Variants in MEF2C observed in about 807,000 individuals in gnomAD.
The protein encoded by MEF2C is myocyte enhancer factor 2C.
Under a neutral mutation model 50.5 loss-of-function variants are expected in MEF2C, and 6 were observed. The observed-to-expected ratio is 0.12, with a 90% CI of 0.07 to 0.23. The LOEUF (loss-of-function observed/expected upper bound fraction) is 0.23, where lower values mean the gene tolerates loss of function less well. MEF2C is among the 10% of genes least tolerant of loss of function. The pLI is 1.00. For synonymous variants in MEF2C, 183 were observed against 228.0 expected, an observed-to-expected ratio of 0.80 and a Z score of 1.78; for missense variants, 276 against 605.0, an observed-to-expected ratio of 0.46 and a Z score of 5.70.
At chr5:88,818,459 A>G (rs1443449058) in intron 2 of MEF2C, among the ~76,000 whole-genome samples, 2 of 152,000 alleles carry the variant, frequency 1.3e-5, no homozygotes, top group African/African-American at 4.8e-5. Flanking sequence ...GTAAAAAAAA[A>G]ATGCCGACGG....
chr5:88,759,904 T>C (rs1024461579), intron 4 of MEF2C, among the ~76,000 whole-genome samples: 1 of 152,250 alleles, frequency 6.6e-6, no homozygotes, highest in Non-Finnish European at 1.5e-5. Context: ...TGGTAAAGTA[T>C]TAATTTATCT....
In MEF2C at chr5:88,749,212, C is replaced by A. The variant is rs10514303; in HGVS notation, c.590-95G>T. On this transcript the variant is annotated intron_variant, in intron 5 of 10. Transcript: ENST00000504921. ...GCAACCTCAGTATTTTGTCCTCTTGCAATAGTCATAAACTTGTAAAGTACA... is the reference window on the plus strand; with the variant it reads ...GCAACCTCAGTATTTTGTCCTCTTGAAATAGTCATAAACTTGTAAAGTACA... The A allele has an allele frequency of 0.077, 103,013 of 1,344,212 alleles. 4,374 individuals are homozygous for A. Among genetic ancestry groups the A allele is most frequent in the Middle Eastern group, 0.11 (601 of 5,318 alleles). The allele number at this position is 1,344,212 out of a possible 1,614,324, so 83.3% of individuals were successfully genotyped here.
chr5:88,856,090 G>A (rs1471103774), intron 1 of MEF2C, among the ~76,000 whole-genome samples: 1 of 152,172 alleles, frequency 6.6e-6, no homozygotes, highest in Non-Finnish European at 1.5e-5. Context: ...AGGCTGAGGT[G>A]GTCTCAGATG....
intron 3 of MEF2C, among the ~76,000 whole-genome samples, chr5:88,763,891 A>G (rs1778895156): frequency 6.6e-6 from 1 of 152,132 alleles, no homozygotes; most frequent in Non-Finnish European, 1.5e-5. Context: ...GACTCAAGGG[A>G]TGCTCCTGCC....
intron 3 of MEF2C, among the ~76,000 whole-genome samples, chr5:88,793,765 G>A (rs568649774): frequency 2.0e-4 from 31 of 152,164 alleles, no homozygotes; most frequent in African/African-American, 6.7e-4. Context: ...ATCTACATTA[G>A]GTATTTCTCC....
At chr5:88,740,488 T>G (rs914326821) in intron 6 of MEF2C, 1 of 983,330 alleles carries the variant, frequency 1.0e-6, no homozygotes, top group Non-Finnish European at 1.2e-6. Context: ...TTTTGACAGA[T>G]GAGGAAACTG....
intron 1 of MEF2C, among the ~76,000 whole-genome samples, chr5:88,896,286 C>T (rs902368602): frequency 2.1e-4 from 32 of 152,216 alleles, no homozygotes; most frequent in African/African-American, 6.8e-4. Flanking sequence ...GCAGCCACTG[C>T]GTGTCCCTTG....
chr5:88,744,411 G>A (rs937336879), intron 6 of MEF2C, among the ~76,000 whole-genome samples: 1 of 152,154 alleles, frequency 6.6e-6, no homozygotes, highest in Non-Finnish European at 1.5e-5. Context: ...ATATTAGCTG[G>A]GCATGGCAGC....
intron 1 of MEF2C, chr5:88,825,905 C>T (rs1810664412): frequency 6.6e-6 from 1 of 152,048 alleles, no homozygotes; most frequent in Non-Finnish European, 1.5e-5. Context: ...CTATGCCTGC[C>T]TAAGCGCTTA....
intron 3 of MEF2C, among the ~76,000 whole-genome samples, chr5:88,784,749 T>G (rs773969929): frequency 2.6e-5 from 4 of 152,210 alleles, no homozygotes; most frequent in Non-Finnish European, 5.9e-5. Context: ...AAAGTATTCA[T>G]GTAAAAGGCT....
At chr5:88,774,314 T>C (rs934965305) in intron 3 of MEF2C, among the ~76,000 whole-genome samples, 23 of 151,758 alleles carry the variant, frequency 1.5e-4, no homozygotes, top group Middle Eastern at 3.4e-3. Flanking sequence ...ATTGTTTCTT[T>C]TCTGCAAATA....
intron 1 of MEF2C, among the ~76,000 whole-genome samples, chr5:88,841,048 T>G (rs1463622151): frequency 6.6e-6 from 1 of 152,212 alleles, no homozygotes; most frequent in Non-Finnish European, 1.5e-5. Flanking sequence ...CCTTGTACAC[T>G]TTTAAGTCTG....
At chr5:88,784,400 C>T (rs1057284907) in intron 3 of MEF2C, among the ~76,000 whole-genome samples, 2 of 151,984 alleles carry the variant, frequency 1.3e-5, no homozygotes, top group South Asian at 4.1e-4. Flanking sequence ...ATGCTTGAGC[C>T]AATATTGATA....
chr5:88,734,729 T>G (rs1763411368), intron 6 of MEF2C: 1 of 983,402 alleles, frequency 1.0e-6, no homozygotes, highest in Non-Finnish European at 1.2e-6. Flanking sequence ...TTTCATTCAG[T>G]AAATACCTCA....
At chr5:88,761,887 T>C (rs1038082227) in intron 3 of MEF2C, 1 of 152,628 alleles carries the variant, frequency 6.6e-6, no homozygotes, top group Non-Finnish European at 1.5e-5. Context: ...CGGTGAAGAA[T>C]GCTCAGACGC....
chr5:88,873,622 AT>A (rs1397660853), intron 1 of MEF2C, among the ~76,000 whole-genome samples: 1 of 151,042 alleles, frequency 6.6e-6, no homozygotes, highest in East Asian at 1.9e-4. Flanking sequence ...TTGCCGATTC[AT>A]TTCAACCCAA....
chr5:88,779,601 T>TTGTGTGTGTG (rs58856249), intron 3 of MEF2C, among the ~76,000 whole-genome samples: 2 of 148,032 alleles, frequency 1.4e-5, no homozygotes, highest in Non-Finnish European at 1.5e-5. Context: ...TTGTGTAGGT[T>TTGTGTGTGTG]TGTGTGTGTG....
intron 1 of MEF2C, among the ~76,000 whole-genome samples, chr5:88,861,483 C>T (rs1360558818): frequency 4.6e-5 from 7 of 152,140 alleles, no homozygotes; most frequent in Admixed American, 6.5e-5. Context: ...TGAAATTTAC[C>T]GGTCTATCCA....
At chr5:88,836,042 T>C (rs576303030) in intron 1 of MEF2C, among the ~76,000 whole-genome samples, 2 of 152,114 alleles carry the variant, frequency 1.3e-5, no homozygotes, top group Non-Finnish European at 2.9e-5. Flanking sequence ...TGATTCTCTA[T>C]TCCAAACCAT....
Sources: gnomAD v4.1 joint callset for allele counts (sites outside exome capture counted in the v4.1 genomes callset) on GRCh38, gnomAD v4.1.1 for gene constraint, MANE v1.5 for transcripts, NCBI Gene and HGNC (gene_info 2026-07-23, HGNC 2026-07-21) for gene names.